Variants in NEDD4L observed in about 807,000 individuals in gnomAD.
The protein encoded by NEDD4L is NEDD4 like E3 ubiquitin protein ligase.
In NEDD4L, 54 loss-of-function variants were observed where a neutral mutation model predicts 148.9. The observed-to-expected ratio is 0.36, with a 90% confidence interval of 0.29 to 0.45. The LOEUF is 0.45. Ranked by LOEUF, NEDD4L falls within the 20% of genes least tolerant of loss-of-function variation. NEDD4L has a pLI of 1.00. For missense variants in NEDD4L, 856 were observed against 1,233.8 expected, an observed-to-expected ratio of 0.69 and a Z score of 4.59; for synonymous variants, 433 against 440.7, an observed-to-expected ratio of 0.98 and a Z score of 0.22.
chr18:58,344,596 T>G (rs1204681176), intron 16 of NEDD4L, among the ~76,000 whole-genome samples: 1 of 152,250 alleles, frequency 6.6e-6, no homozygotes, highest in Non-Finnish European at 1.5e-5. Context: ...TGATAACTGC[T>G]TCTAAGGCAT....
chr18:58,300,650 A>G (rs1056726558), intron 5 of NEDD4L, among the ~76,000 whole-genome samples: 7 of 152,250 alleles, frequency 4.6e-5, no homozygotes, highest in African/African-American at 1.7e-4. Flanking sequence ...TGTATAGGCC[A>G]TGCCTGGAGT....
At chr18:58,359,144 C>CG (rs1227137776) in intron 19 of NEDD4L, among the ~76,000 whole-genome samples, 1 of 152,072 alleles carries the variant, frequency 6.6e-6, no homozygotes, top group Non-Finnish European at 1.5e-5. Context: ...TTCTGTCAGT[C>CG]TCTGTGGTGA....
intron 9 of NEDD4L, among the ~76,000 whole-genome samples, chr18:58,328,251 C>A (rs1318323268): frequency 6.6e-6 from 1 of 152,228 alleles, no homozygotes; most frequent in African/African-American, 2.4e-5. Flanking sequence ...AGGCATGAGC[C>A]ACCATGCCCA....
chr18:58,240,404 G>T (rs2046493253), intron 2 of NEDD4L, among the ~76,000 whole-genome samples: 1 of 152,164 alleles, frequency 6.6e-6, no homozygotes, highest in Non-Finnish European at 1.5e-5. Context: ...AAATCATTAG[G>T]ATCCCTGAGG....
chr18:58,350,907 T>C (rs2145601191), intron 17 of NEDD4L, 84 bp from the exon 18 acceptor site: 1 of 1,039,238 alleles, frequency 9.6e-7, no homozygotes, highest in South Asian at 1.4e-5. Context: ...AGAGGTGTTC[T>C]ATAGTTTTTA....
chr18:58,366,357 C>A lies in NEDD4L; in HGVS notation c.2063+129C>A. 1 of 607,784 alleles carries A rather than the reference C, an allele frequency of 1.6e-6. No individual in the cohort carries two copies. The highest frequency in any genetic ancestry group is 2.8e-6 in the Non-Finnish European group (1 of 359,798). 37.6% of individuals were successfully genotyped at this position (607,784 alleles called of 1,614,324 possible). On this transcript the variant is annotated intron_variant, in intron 21 of 30. Transcript: ENST00000400345. The surrounding 1 kb of genome is among the most constrained non-coding windows in gnomAD (Gnocchi z 4.2). ...TCTGCTGAGTTTGTTCTCTCCTCAC[C>A]CCACAGCCCCTTGCAAGTCTAGAAC...
intron 1 of NEDD4L, among the ~76,000 whole-genome samples, chr18:58,066,988 C>T (rs551288469): frequency 6.6e-6 from 1 of 152,186 alleles, no homozygotes; most frequent in South Asian, 2.1e-4. Context: ...ACCATATAAC[C>T]CTCATACACA....
chr18:58,218,298 A>G lies in NEDD4L; in HGVS notation c.123-27129A>G, dbSNP rs75097315. Among the ~76,000 whole-genome samples the G allele has an allele frequency of 2.7e-4, 41 of 152,300 alleles. No homozygotes were observed. The East Asian group carries it at 7.7e-3, about 29-fold the overall frequency. On this transcript the variant is annotated intron_variant, in intron 2 of 30. Coordinates refer to ENST00000400345, the MANE Select transcript of NEDD4L (RefSeq NM_001144967.3). ...TAAGTGTAGTCAACAGTATTGAGCA[A>G]TTTTTTGGGTAATATTGTCGGAAGT...
intron 2 of NEDD4L, among the ~76,000 whole-genome samples, chr18:58,244,011 T>A (rs780317566): frequency 1.9e-4 from 29 of 152,236 alleles, no homozygotes; most frequent in Admixed American, 3.9e-4. Flanking sequence ...ATTTTTTAGA[T>A]ATTGAGTATA....
In NEDD4L at chr18:58,357,443, A is replaced by G. The variant is rs765679609; in HGVS notation, c.1767+191A>G. The G allele has an allele frequency of 7.1e-6, 5 of 706,894 alleles. No individual in the cohort carries two copies. The Admixed American group carries it at 8.0e-5, about 11-fold the overall frequency. The allele number at this position is 706,894 out of a possible 1,614,324, so 43.8% of individuals were successfully genotyped here. On this transcript the variant is annotated intron_variant, in intron 19 of 30. Transcript: ENST00000400345. Reference sequence around the variant, plus strand: ...GGTACAGCTGCATGTGCCTTTTCAGATGGATTTCATTATAAAGGAAAACAG... The same window carrying G: ...GGTACAGCTGCATGTGCCTTTTCAGGTGGATTTCATTATAAAGGAAAACAG...
intron 5 of NEDD4L, among the ~76,000 whole-genome samples, chr18:58,308,414 T>G (rs2057306181): frequency 6.6e-6 from 1 of 152,234 alleles, no homozygotes; most frequent in Non-Finnish European, 1.5e-5. Flanking sequence ...GCTGGACAGC[T>G]TTGCAGCAGA....
intron 2 of NEDD4L, among the ~76,000 whole-genome samples, chr18:58,240,697 G>A (rs942382943): frequency 1.3e-5 from 2 of 152,034 alleles, no homozygotes; most frequent in African/African-American, 2.4e-5. Flanking sequence ...TCTTTGGCGC[G>A]GAGGCCTTCC....
At chr18:58,112,460 GTA>G (rs150981639) in intron 1 of NEDD4L, among the ~76,000 whole-genome samples, 1 of 150,096 alleles carries the variant, frequency 6.7e-6, no homozygotes, top group Non-Finnish European at 1.5e-5. Flanking sequence ...TTTTCAGTAT[GTA>G]TATATATATA....
chr18:58,200,918 T>G (rs2041321887), intron 2 of NEDD4L, among the ~76,000 whole-genome samples: 2 of 152,256 alleles, frequency 1.3e-5, no homozygotes, highest in Non-Finnish European at 2.9e-5. Context: ...CCCCACCTTC[T>G]TACCTACTTG....
intron 24 of NEDD4L, among the ~76,000 whole-genome samples, chr18:58,374,295 G>A (rs2047263789): frequency 6.6e-6 from 1 of 152,174 alleles, no homozygotes; most frequent in Non-Finnish European, 1.5e-5. Flanking sequence ...TCAGTCTCTA[G>A]TGTGAGTCCT....
intron 1 of NEDD4L, among the ~76,000 whole-genome samples, chr18:58,155,663 A>G (rs1599174015): frequency 6.6e-6 from 1 of 152,208 alleles, no homozygotes; most frequent in Non-Finnish European, 1.5e-5. Context: ...TGTCTCCTAA[A>G]TGTGCAGCCA....
At chr18:58,302,251 A>T (rs1226887735) in intron 5 of NEDD4L, among the ~76,000 whole-genome samples, 2 of 152,160 alleles carry the variant, frequency 1.3e-5, no homozygotes, top group Non-Finnish European at 2.9e-5. Flanking sequence ...GGGGAAAAAA[A>T]GAAGTCATTT....
At chr18:58,063,212 A>AT (rs1268859365) in intron 1 of NEDD4L, among the ~76,000 whole-genome samples, 1 of 151,180 alleles carries the variant, frequency 6.6e-6, no homozygotes. Context: ...TGCCTGGCTA[A>AT]TTTTTTATTT....
At chr18:58,195,056 G>A (rs17833671) in intron 2 of NEDD4L, among the ~76,000 whole-genome samples, 2,122 of 152,338 alleles carry the variant, frequency 0.014, 90 homozygotes, top group East Asian at 0.099. Flanking sequence ...AGGACAGTGG[G>A]ACAGTAATTT....
Sources: gnomAD v4.1 joint callset for allele counts (sites outside exome capture counted in the v4.1 genomes callset) on GRCh38, gnomAD v4.1.1 for gene constraint, Gnocchi (gnomAD v3.1) non-coding constraint, MANE v1.5 for transcripts, NCBI Gene and HGNC (gene_info 2026-07-23, HGNC 2026-07-21) for gene names.